PREX1: variants seen among roughly 807,000 people sequenced by gnomAD.
PREX1 encodes the protein phosphatidylinositol-3,4,5-trisphosphate dependent Rac exchange factor 1.
Under a neutral mutation model 198.3 loss-of-function variants are expected in PREX1, and 41 were observed. That is an observed-to-expected ratio of 0.21 (90% CI 0.16 to 0.27). The LOEUF (loss-of-function observed/expected upper bound fraction) is 0.27, where lower values mean the gene tolerates loss of function less well. Among genes scored for constraint, PREX1 ranks in the 10% least tolerant of loss-of-function variants. The pLI, the probability that PREX1 is intolerant of heterozygous loss-of-function variation, is 1.00. For synonymous variants in PREX1, 843 were observed against 887.2 expected (o/e 0.95, Z 0.89); for missense variants, 1,620 against 2,200.7 (o/e 0.74, Z 5.28).
intron 1 of PREX1, among the ~76,000 whole-genome samples, chr20:48,790,581 C>T (rs1488468841): frequency 2.0e-5 from 3 of 152,206 alleles, no homozygotes; most frequent in Admixed American, 2.0e-4. Context: ...ATTCTGCATG[C>T]TTCAGCTTTT....
intron 5 of PREX1, among the ~76,000 whole-genome samples, chr20:48,722,556 T>C (rs1446707720): frequency 1.3e-5 from 2 of 152,156 alleles, no homozygotes; most frequent in Non-Finnish European, 2.9e-5. Context: ...CCCTTGAGTA[T>C]GCTTTTTTAA....
chr20:48,749,722 T>C (rs185152551), intron 1 of PREX1, among the ~76,000 whole-genome samples: 6 of 152,338 alleles, frequency 3.9e-5, no homozygotes, highest in South Asian at 2.1e-4. Flanking sequence ...TTCGTCTCTG[T>C]CCACACAGAG....
upstream of PREX1, among the ~76,000 whole-genome samples, chr20:48,832,334 A>C (rs912399239): frequency 1.1e-4 from 17 of 152,188 alleles, no homozygotes; most frequent in Non-Finnish European, 7.3e-5. Flanking sequence ...AGCCCCTGTC[A>C]GCTTCTGCAG....
intron 1 of PREX1, among the ~76,000 whole-genome samples, chr20:48,801,625 C>T (rs1158694228): frequency 1.3e-5 from 2 of 152,238 alleles, no homozygotes; most frequent in Non-Finnish European, 2.9e-5. Flanking sequence ...TGGGCCAGGA[C>T]ACCCACGTCT....
chr20:48,645,519 A>G (rs1437620960), intron 26 of PREX1, among the ~76,000 whole-genome samples: 1 of 152,190 alleles, frequency 6.6e-6, no homozygotes, highest in Non-Finnish European at 1.5e-5. Context: ...CAGAAACCGT[A>G]TGTCTTACAC....
intron 1 of PREX1, among the ~76,000 whole-genome samples, chr20:48,755,545 T>G (rs948118908): frequency 6.6e-6 from 1 of 152,198 alleles, no homozygotes; most frequent in African/African-American, 2.4e-5. Flanking sequence ...CTTCTGCTAT[T>G]CCCTTTTCCT....
At chr20:48,654,597 T>C (rs1325266577) in intron 19 of PREX1, among the ~76,000 whole-genome samples, 1 of 152,276 alleles carries the variant, frequency 6.6e-6, no homozygotes, top group Non-Finnish European at 1.5e-5. Context: ...TGAGAATCAC[T>C]GCTTTAGGAC....
At chr20:48,768,622 C>T (rs1349687441) in intron 1 of PREX1, among the ~76,000 whole-genome samples, 5 of 152,066 alleles carry the variant, frequency 3.3e-5, no homozygotes, top group African/African-American at 4.8e-5. Flanking sequence ...GATGAAACCC[C>T]GTCTCTGCTA....
At chr20:48,676,768 C>T (rs535774453) in intron 13 of PREX1, among the ~76,000 whole-genome samples, 1 of 152,368 alleles carries the variant, frequency 6.6e-6, no homozygotes, top group East Asian at 1.9e-4. Context: ...CACAGAGTGG[C>T]AGGGGAGACC....
At chr20:48,842,720 A>G in the PREX1 span, among the ~76,000 whole-genome samples, 1 of 151,780 alleles carries the variant, frequency 6.6e-6, no homozygotes, top group African/African-American at 2.4e-5. Context: ...CAAATCAGAC[A>G]GAGTTGATTT....
chr20:48,672,121 C>T (rs1023778747), intron 14 of PREX1, among the ~76,000 whole-genome samples: 16 of 152,226 alleles, frequency 1.1e-4, no homozygotes, highest in African/African-American at 3.9e-4. Flanking sequence ...CTGGAAGTGG[C>T]TTTTACTGGT....
intron 35 of PREX1, 89 bp from the exon 36 acceptor site, chr20:48,630,883 G>T: frequency 1.0e-6 from 1 of 976,332 alleles, no homozygotes; most frequent in Non-Finnish European, 1.6e-6. Flanking sequence ...CAGCCACCGT[G>T]ACTCCGCCCT....
the PREX1 span, among the ~76,000 whole-genome samples, chr20:48,836,929 A>T: frequency 2.7e-5 from 4 of 147,228 alleles, no homozygotes; most frequent in Non-Finnish European, 1.5e-5. Flanking sequence ...AAAAAAAAGA[A>T]CCTCGCTCTG....
chr20:48,777,723 T>C (rs924461345), intron 1 of PREX1, among the ~76,000 whole-genome samples: 1 of 152,062 alleles, frequency 6.6e-6, no homozygotes, highest in African/African-American at 2.4e-5. Context: ...TGCATCCACA[T>C]CTGTAAAATG....
chr20:48,886,298 A>G, the PREX1 span, among the ~76,000 whole-genome samples: 1 of 152,250 alleles, frequency 6.6e-6, no homozygotes, highest in African/African-American at 2.4e-5. Context: ...TGGTAAGGCC[A>G]GTCACACGCA....
chr20:48,663,097 AC>A (rs1434137489), intron 15 of PREX1, among the ~76,000 whole-genome samples: 1 of 152,106 alleles, frequency 6.6e-6, no homozygotes, highest in African/African-American at 2.4e-5. Flanking sequence ...TTACCTGCCC[AC>A]CTCAGCTGGG....
intron 27 of PREX1, chr20:48,642,724 C>A: frequency 2.1e-6 from 1 of 467,334 alleles, no homozygotes; most frequent in Non-Finnish European, 3.8e-6. Context: ...GATTGTAAAG[C>A]ACTGCTACTG....
chr20:48,627,676 C>CT, intron 38 of PREX1, 61 bp from the exon 39 acceptor site: 1 of 569,448 alleles, frequency 1.8e-6, no homozygotes, highest in Admixed American at 2.1e-5. Flanking sequence ...AGGAAGCACA[C>CT]TGGGGGGTGG....
chr20:48,647,519 C>CAAAAAAAAAAAAAAAAAA (rs765244255), intron 25 of PREX1, among the ~76,000 whole-genome samples: 2 of 49,630 alleles, frequency 4.0e-5, no homozygotes, highest in Non-Finnish European at 8.9e-5. Context: ...GACAACATCT[C>CAAAAAAAAAAAAAAAAAA]AAAAAAAAAA....
Sources: allele counts gnomAD v4.1 joint callset (sites outside exome capture counted in the v4.1 genomes callset), GRCh38; gene constraint gnomAD v4.1.1; transcripts MANE v1.5; gene names NCBI Gene and HGNC (gene_info 2026-07-23, HGNC 2026-07-21).